KIF13B: variants seen among roughly 807,000 people sequenced by gnomAD.
The protein encoded by KIF13B is kinesin family member 13B.
A neutral mutation model predicts 222.0 loss-of-function variants in KIF13B; 127 were observed. The ratio of observed to expected loss-of-function variants is 0.57; its 90% CI spans 0.50 to 0.66. The LOEUF (loss-of-function observed/expected upper bound fraction) is 0.66, where lower values mean the gene tolerates loss of function less well. Among genes scored for constraint, KIF13B ranks in the 30% least tolerant of loss-of-function variants. The pLI is 0.00. For missense variants in KIF13B, 2,173 were observed against 2,379.0 expected (o/e 0.91, Z 1.80); for synonymous variants, 976 against 919.0 (o/e 1.06, Z -1.12).
chr8:29,158,596 T>A (rs1416376096), intron 13 of KIF13B, among the ~76,000 whole-genome samples: 1 of 152,212 alleles, frequency 6.6e-6, no homozygotes, highest in East Asian at 1.9e-4. Flanking sequence ...CTGCCCAGCA[T>A]CTAAATTGAC....
chr8:29,142,303 G>T lies in KIF13B; in HGVS notation c.2188C>A (p.Arg730=). The stretch of plus-strand genomic sequence containing the variant: ...GCAGGCTCACTAAGAAGAGAGCCTC[G>T]CTGCAAAGAGAGTAAGAATGACCGT... ...PASSLDANRK[R]GSLLSEPAIQ... is the part of the protein sequence containing the mutation. Residue 730 remains arginine, a splice_region_variant and synonymous_variant, in exon 19 of 40, where the codon CGA becomes AGA. Coordinates refer to ENST00000524189, the MANE Select transcript of KIF13B (RefSeq NM_015254.4). 1 of 1,609,460 alleles carries T rather than the reference G, an allele frequency of 6.2e-7. No individual in the cohort carries two copies.
chr8:29,146,296 C>T (rs754377992), intron 18 of KIF13B, 82 bp downstream of exon 18: 5 of 1,444,394 alleles, frequency 3.5e-6, no homozygotes, highest in Non-Finnish European at 4.9e-6. Context: ...AGACAGGGAT[C>T]TGAAGCTTAA....
Position 29,083,938 on chromosome 8 carries a change from G to A in KIF13B, c.4459-8595C>T, listed in dbSNP as rs553598784. 1.5e-3 allele frequency among the ~76,000 whole-genome samples: 235 copies of A among 152,176 alleles called. 1 individual carries two copies. The highest frequency in any genetic ancestry group is 5.4e-3 in the African/African-American group (224 of 41,514). On this transcript the variant is annotated intron_variant, in intron 37 of 39. Transcript: ENST00000524189. ...TTTTTGTTTGTTTGTTTTTTAAGAC[G>A]GAGTTGCGCTCTGTCACCCAGGCTG...
intron 35 of KIF13B, among the ~76,000 whole-genome samples, chr8:29,100,370 C>T (rs1233656024): frequency 6.6e-6 from 1 of 152,158 alleles, no homozygotes; most frequent in African/African-American, 2.4e-5. Flanking sequence ...CCTTTGATCC[C>T]CTGATAATCA....
chr8:29,157,183 G>A (rs968789469), intron 13 of KIF13B, among the ~76,000 whole-genome samples: 4 of 151,494 alleles, frequency 2.6e-5, no homozygotes, highest in Non-Finnish European at 5.9e-5. Flanking sequence ...GTGGATACAG[G>A]AGCTTCCTAC....
At chr8:29,213,554 C>T (rs2130486600) in intron 2 of KIF13B, among the ~76,000 whole-genome samples, 1 of 152,196 alleles carries the variant, frequency 6.6e-6, no homozygotes, top group East Asian at 1.9e-4. Context: ...GCCTACTATG[C>T]ACACAGGCTG....
intron 35 of KIF13B, among the ~76,000 whole-genome samples, chr8:29,103,682 T>A (rs2133587332): frequency 6.6e-6 from 1 of 152,250 alleles, no homozygotes; most frequent in African/African-American, 2.4e-5. Flanking sequence ...CCACTTTTCA[T>A]ATGTAGGGGC....
At chr8:29,219,765 A>C in intron 2 of KIF13B, among the ~76,000 whole-genome samples, 1 of 151,612 alleles carries the variant, frequency 6.6e-6, no homozygotes, top group Non-Finnish European at 1.5e-5. Flanking sequence ...AAATAAATAA[A>C]TAAATAAATA....
In KIF13B at chr8:29,155,643, G is replaced by A. The variant is rs1811486374; in HGVS notation, c.1535+83C>T. The A allele has an allele frequency of 2.4e-6, 3 of 1,252,040 alleles. No individual in the cohort carries two copies. The East Asian group carries it at 7.6e-5, about 32-fold the overall frequency. The allele number at this position is 1,252,040 out of a possible 1,614,324, so 77.6% of individuals were successfully genotyped here. A position where few individuals can be genotyped will look rare whatever the true frequency, so the allele number is the denominator to read the frequency against. On this transcript the variant is annotated intron_variant, in intron 14 of 39. Coordinates refer to ENST00000524189, the MANE Select transcript of KIF13B (RefSeq NM_015254.4). The stretch of plus-strand genomic sequence containing the variant: ...ATTACTTAATGTGGTCAACTTAAAA[G>A]CAACAAAGGCCACTGTTGCCACTAG...
chr8:29,142,757 T>G (rs747942427), intron 18 of KIF13B, among the ~76,000 whole-genome samples: 1 of 152,154 alleles, frequency 6.6e-6, no homozygotes, highest in Non-Finnish European at 1.5e-5. Flanking sequence ...AAGAATTGCT[T>G]GAACCCAGGA....
At chr8:29,191,229 ACT>A (rs1175866683) in intron 3 of KIF13B, among the ~76,000 whole-genome samples, 172 bp from the exon 4 acceptor site, 7 of 152,162 alleles carry the variant, frequency 4.6e-5, no homozygotes, top group East Asian at 1.9e-4. Context: ...AGGTGATATG[ACT>A]CTATATTTTA....
At chr8:29,253,348 A>G (rs1467085466) in intron 1 of KIF13B, among the ~76,000 whole-genome samples, 1 of 151,578 alleles carries the variant, frequency 6.6e-6, no homozygotes, top group Non-Finnish European at 1.5e-5. Context: ...CATATCTGAA[A>G]ACAAATAAAA....
intron 37 of KIF13B, among the ~76,000 whole-genome samples, chr8:29,088,618 A>G (rs1250430938): frequency 6.6e-6 from 1 of 152,214 alleles, no homozygotes; most frequent in Non-Finnish European, 1.5e-5. Context: ...AAGTGCATGG[A>G]ACTCCATTAT....
intron 2 of KIF13B, among the ~76,000 whole-genome samples, chr8:29,198,831 T>C (rs1422250715): frequency 6.6e-6 from 1 of 152,124 alleles, no homozygotes; most frequent in Non-Finnish European, 1.5e-5. Flanking sequence ...AAAAACCAAA[T>C]ATTGCATGTT....
At chr8:29,161,746 C>A (rs1197980160) in intron 12 of KIF13B, among the ~76,000 whole-genome samples, 1 of 147,274 alleles carries the variant, frequency 6.8e-6, no homozygotes, top group Admixed American at 6.7e-5. Flanking sequence ...AACAAACGTT[C>A]TCTGTGTTCT....
Position 29,126,613 on chromosome 8 carries a change from A to C in KIF13B, c.3223-102T>G, listed in dbSNP as rs1810121526. 1.1e-5 allele frequency: 8 copies of C among 750,996 alleles called. No homozygotes were observed. In the South Asian group the frequency reaches 1.2e-4, roughly 11 times the overall value. 46.5% of individuals were successfully genotyped at this position (750,996 alleles called of 1,614,324 possible). A position where few individuals can be genotyped will look rare whatever the true frequency, so the allele number is the denominator to read the frequency against. Reference sequence around the variant, plus strand: ...CTTTACCCATAATTTATATTTTCCAATTGAATTAATATACTATTTCATCTC... The same window carrying C: ...CTTTACCCATAATTTATATTTTCCACTTGAATTAATATACTATTTCATCTC... On this transcript the variant is annotated intron_variant, in intron 25 of 39. Transcript: ENST00000524189.
At chr8:29,241,114 TA>T (rs1815758915) in intron 2 of KIF13B, among the ~76,000 whole-genome samples, 1 of 152,134 alleles carries the variant, frequency 6.6e-6, no homozygotes, top group South Asian at 2.1e-4. Context: ...TATTTCATCA[TA>T]AAAAGGAATG....
intron 11 of KIF13B, 117 bp from the exon 12 acceptor site, chr8:29,165,889 A>T (rs1811973850): frequency 8.2e-6 from 1 of 122,456 alleles, no homozygotes; most frequent in Non-Finnish European, 1.4e-5. Context: ...TGTCACGCTG[A>T]GGTCTGACAT....
At chr8:29,260,906 C>T (rs1185102728) in intron 1 of KIF13B, among the ~76,000 whole-genome samples, 7 of 152,224 alleles carry the variant, frequency 4.6e-5, no homozygotes, top group African/African-American at 1.7e-4. Flanking sequence ...GCGTAAGCCA[C>T]CGTGCCTGGC....
Sources: gnomAD v4.1 joint callset for allele counts (sites outside exome capture counted in the v4.1 genomes callset) on GRCh38, gnomAD v4.1.1 for gene constraint, MANE v1.5 for transcripts, NCBI Gene and HGNC (gene_info 2026-07-23, HGNC 2026-07-21) for gene names.